ZBED6: variants seen among roughly 807,000 people sequenced by gnomAD.
ZBED6 encodes the protein zinc finger BED-type containing 6, also known as zinc finger BED domain-containing protein 6.
Under a neutral mutation model 58.4 loss-of-function variants are expected in ZBED6, and 40 were observed. The ratio of observed to expected loss-of-function variants is 0.68; its 90% CI spans 0.53 to 0.89. The LOEUF (loss-of-function observed/expected upper bound fraction) is 0.89. ZBED6 is among the 40% of genes least tolerant of loss of function. The pLI is 0.00. For synonymous variants in ZBED6, 439 were observed against 350.6 expected (o/e 1.25, Z -2.82); for missense variants, 1,057 against 1,003.9 (o/e 1.05, Z -0.71).
At chr1:203,810,978 A>C (rs1326363286) in intron 1 of ZBED6, among the ~76,000 whole-genome samples, 3 of 140,528 alleles carry the variant, frequency 2.1e-5, no homozygotes, top group Admixed American at 7.0e-5. Context: ...TAAAAATACA[A>C]AAAAAAAAAA....
chr1:203,832,308 G>A (rs542957086), intron 8 of ZBED6, among the ~76,000 whole-genome samples: 9 of 151,994 alleles, frequency 5.9e-5, no homozygotes, highest in South Asian at 2.1e-4. Context: ...TGATCCGCCC[G>A]CCTTGGCCTC....
chr1:203,828,255 T>TA lies in ZBED6; in HGVS notation c.*2874-43dup, dbSNP rs765566455. 5.0e-6 allele frequency: 8 copies of TA among 1,611,768 alleles called. No homozygotes were observed. In the South Asian group the frequency reaches 6.6e-5, roughly 13 times the overall value. ...AAACAAACTGCCACATGAATATACGTATCACTGTTTTATTTGAAAGCAATG... is the reference window on the plus strand; with the variant it reads ...AAACAAACTGCCACATGAATATACGTAATCACTGTTTTATTTGAAAGCAATG... On this transcript the variant is annotated intron_variant, in intron 3 of 16. Coordinates refer to ENST00000550078, the Ensembl canonical transcript of ZBED6.
At chr1:203,817,311 A>G (rs956674929) in intron 2 of ZBED6, among the ~76,000 whole-genome samples, 187 bp downstream of exon 2, 7 of 152,112 alleles carry the variant, frequency 4.6e-5, no homozygotes, top group East Asian at 1.9e-4. Flanking sequence ...TTCATTTTAT[A>G]TATAACTAAT....
At chr1:203,799,024 A>G in exon 1 of ZBED6, 2 of 1,536,156 alleles carry the variant, frequency 1.3e-6, no homozygotes, top group Non-Finnish European at 1.7e-6. Flanking sequence ...GTGACTGTAC[A>G]CTGGGTTTCT....
chr1:203,797,931 C>T (rs1167859149), exon 1 of ZBED6: 1 of 1,535,946 alleles, frequency 6.5e-7, no homozygotes, highest in Non-Finnish European at 8.7e-7. Context: ...CATTGTGTGG[C>T]ACTTCTTTCA....
At chr1:203,828,200 T>A in intron 3 of ZBED6, 99 bp from the exon 4 acceptor site, 1 of 1,445,806 alleles carries the variant, frequency 6.9e-7, no homozygotes. Context: ...ATGCCTCGGA[T>A]TTTTGAACCC....
chr1:203,821,145 G>A (rs779792864), intron 3 of ZBED6, among the ~76,000 whole-genome samples: 4 of 152,048 alleles, frequency 2.6e-5, no homozygotes, highest in Admixed American at 6.6e-5. Context: ...ATGATAGTGA[G>A]TGCGTTCTCG....
intron 14 of ZBED6, 79 bp from the exon 15 acceptor site, chr1:203,850,436 T>C: frequency 2.6e-6 from 4 of 1,565,136 alleles, no homozygotes; most frequent in Non-Finnish European, 3.5e-6. Context: ...TGAAGGAGTT[T>C]TGATATTTTA....
At chr1:203,847,125 A>G (rs1024441852) in intron 11 of ZBED6, 59 bp from the exon 12 acceptor site, 5 of 1,576,242 alleles carry the variant, frequency 3.2e-6, no homozygotes, top group East Asian at 4.5e-5. Context: ...TAGAGAGATC[A>G]TAAGTCAGTA....
In ZBED6 at chr1:203,797,209, C is replaced by T. The variant is rs1183662299; in HGVS notation, c.-314C>T. The stretch of plus-strand genomic sequence containing the variant: ...GACCTGGCTTCTAGCTGCTACTAAC[C>T]AACTCTGTGACTCTGGGAAAGGGGG... On this transcript the variant is annotated 5_prime_UTR_variant, in exon 1 of 17. The change creates a premature stop within an existing upstream ORF in the 5' untranslated region. Transcript: ENST00000550078. 2 of 181,966 alleles carry T rather than the reference C, an allele frequency of 1.1e-5. No individual in the cohort carries two copies. Among genetic ancestry groups the T allele is most frequent in the Non-Finnish European group, 2.3e-5 (2 of 88,192 alleles). 11.3% of individuals were successfully genotyped at this position (181,966 alleles called of 1,614,324 possible). A position where few individuals can be genotyped will look rare whatever the true frequency, so the allele number is the denominator to read the frequency against.
exon 1 of ZBED6, chr1:203,800,496 T>G (rs1670231816): frequency 6.9e-7 from 1 of 1,457,648 alleles, no homozygotes; most frequent in Non-Finnish European, 9.0e-7. Flanking sequence ...GGCAACTTTT[T>G]GCTGTGTTAC....
Position 203,843,815 on chromosome 1 carries a change from T to C in ZBED6, c.*3742-3369T>C, listed in dbSNP as rs146257970. 2.6e-3 allele frequency among the ~76,000 whole-genome samples: 391 copies of C among 152,300 alleles called. 4 individuals carry two copies. Among genetic ancestry groups the C allele is most frequent in the Middle Eastern group, 0.01 (3 of 294 alleles). ...CTTGGTGTTTTTATTTTTCAAGAAC[T>C]TTCTTTGTTCTCTTATTTTTTTTTC... On this transcript the variant is annotated intron_variant, in intron 11 of 16. Coordinates refer to ENST00000550078, the Ensembl canonical transcript of ZBED6.
At chr1:203,813,607 T>C (rs1675245267) in intron 1 of ZBED6, among the ~76,000 whole-genome samples, 1 of 152,214 alleles carries the variant, frequency 6.6e-6, no homozygotes, top group Non-Finnish European at 1.5e-5. Context: ...CATAACAAAG[T>C]ATCACAAACT....
At chr1:203,833,364 C>CA (rs34277550) in intron 8 of ZBED6, among the ~76,000 whole-genome samples, 1,487 of 71,016 alleles carry the variant, frequency 0.021, 34 homozygotes, top group African/African-American at 0.066. Flanking sequence ...GACTCTGTCT[C>CA]AAAAAAAAAA....
intron 15 of ZBED6, 85 bp downstream of exon 15, chr1:203,850,766 G>A (rs901786739): frequency 3.3e-6 from 5 of 1,517,110 alleles, no homozygotes; most frequent in Non-Finnish European, 3.6e-6. Flanking sequence ...ATTCTATCTT[G>A]AGTATATCAC....
chr1:203,824,274 T>TA (rs5780199), intron 3 of ZBED6, among the ~76,000 whole-genome samples: 92,969 of 139,786 alleles, frequency 0.67, 30,828 homozygotes, highest in Non-Finnish European at 0.71. Flanking sequence ...ATCTCAAAAT[T>TA]AAAAAAAAAA....
At position 203,829,476 on chromosome 1, in the gene ZBED6, A is replaced by G; in HGVS notation, c.*3023A>G. On this transcript the variant is annotated 3_prime_UTR_variant, in exon 5 of 17. Coordinates refer to ENST00000550078, the Ensembl canonical transcript of ZBED6. The stretch of plus-strand genomic sequence containing the variant: ...CTGTGTTGCCCACTGTGCCTGAGTC[A>G]CCAGAAGAGGAAGTGAAGGCTAGCC... 2.5e-6 allele frequency: 4 copies of G among 1,613,926 alleles called. No individual in the cohort carries two copies. In the South Asian group the frequency reaches 4.4e-5, roughly 18 times the overall value.
rs919568716 is a variant in ZBED6, at chr1:203,829,366, A to G, written c.*2998-85A>G. The G allele has an allele frequency of 3.8e-5, 51 of 1,329,258 alleles. 1 individual carries two copies. The Admixed American group carries it at 5.1e-4, about 13-fold the overall frequency. 82.3% of individuals were successfully genotyped at this position (1,329,258 alleles called of 1,614,324 possible). A position where few individuals can be genotyped will look rare whatever the true frequency, so the allele number is the denominator to read the frequency against. On this transcript the variant is annotated intron_variant, in intron 4 of 16. Transcript: ENST00000550078. Reference sequence around the variant, plus strand: ...TAAATGCTCATAAGACAAATACACTATAGTTTTCATAGGTGGTCAGGAATT... The same window carrying G: ...TAAATGCTCATAAGACAAATACACTGTAGTTTTCATAGGTGGTCAGGAATT...
intron 1 of ZBED6, chr1:203,805,683 A>T (rs1672077999): frequency 5.9e-6 from 4 of 676,050 alleles, no homozygotes; most frequent in Non-Finnish European, 1.1e-5. Flanking sequence ...TTTTTGTGAC[A>T]GTGGGAACAC....
Sources: gnomAD v4.1 joint callset for allele counts (sites outside exome capture counted in the v4.1 genomes callset) on GRCh38, gnomAD v4.1.1 for gene constraint, MANE v1.5 for transcripts, NCBI Gene and HGNC (gene_info 2026-07-23, HGNC 2026-07-21) for gene names.